Variants in ASTL observed in about 807,000 individuals in gnomAD.
ASTL encodes astacin-like metalloendopeptidase.
ASTL carries 27 observed loss-of-function variants against 36.7 expected under a neutral mutation model. The observed-to-expected ratio is 0.73, with a 90% CI of 0.54 to 1.01. The LOEUF (loss-of-function observed/expected upper bound fraction) is 1.01, where lower values mean the gene tolerates loss of function less well. ASTL is among the 50% of genes least tolerant of loss of function. ASTL has a pLI of 0.00. For missense variants in ASTL, 524 were observed against 572.8 expected (o/e 0.91, Z 0.87); for synonymous variants, 222 against 228.1 (o/e 0.97, Z 0.24).
At chr2:96,131,206 TTC>T (rs1351303604) in intron 6 of ASTL, among the ~76,000 whole-genome samples, 1 of 152,254 alleles carries the variant, frequency 6.6e-6, no homozygotes, top group African/African-American at 2.4e-5. Flanking sequence ...GCTCAATTTG[TTC>T]TGTTTACTGA....
chr2:96,134,180 G>A lies in ASTL; in HGVS notation c.244-122C>T. ...TGTGGGAGTCAGGACCTGTGTGCATGGGAATGGGGGACCATTAGAGATGGG... is the reference window on the plus strand; with the variant it reads ...TGTGGGAGTCAGGACCTGTGTGCATAGGAATGGGGGACCATTAGAGATGGG... On this transcript the variant is annotated intron_variant, in intron 3 of 8. Coordinates refer to ENST00000342380, the MANE Select transcript of ASTL (RefSeq NM_001002036.4). 3 of 695,410 alleles carry A rather than the reference G, an allele frequency of 4.3e-6. No homozygotes were observed. The South Asian group carries it at 4.6e-5, about 11-fold the overall frequency. The allele number at this position is 695,410 out of a possible 1,614,324, so 43.1% of individuals were successfully genotyped here. A position where few individuals can be genotyped will look rare whatever the true frequency, so the allele number is the denominator to read the frequency against.
chr2:96,123,965 T>A lies in ASTL; in HGVS notation c.1181A>T (p.Lys394Met). 2.5e-6 allele frequency: 4 copies of A among 1,613,986 alleles called. No homozygotes were observed. The South Asian group carries it at 4.4e-5, about 18-fold the overall frequency. ...EQSWLAGVST[K>M]PTVPSSEAGI... ...TGCTTCTGAAGATGGGACTGTGGGC[T>A]TGGTGGACACTCCGGCCAGCCAGGA... The change falls in exon 9 of 9, where the codon AAG becomes ATG. Residue 394 changes from lysine (K) to methionine (M), a missense_variant. By Grantham distance (95) the Lys-to-Met change is moderately conservative. Coordinates refer to ENST00000342380, the MANE Select transcript of ASTL (RefSeq NM_001002036.4).
At chr2:96,125,111 C>G (rs1558713146) in intron 8 of ASTL, among the ~76,000 whole-genome samples, 1 of 152,180 alleles carries the variant, frequency 6.6e-6, no homozygotes, top group African/African-American at 2.4e-5. Flanking sequence ...CATCCTACAC[C>G]AGCCCTCCCC....
rs775529258 is a variant in ASTL, at chr2:96,135,352, G to A, written c.242C>T (p.Pro81Leu). Residue 81 changes from proline (P) to leucine (L), a missense_variant and splice_region_variant, in exon 3 of 9, where the codon CCG (proline) becomes CTG (leucine). Transcript: ENST00000342380. Reference sequence around the variant, plus strand: ...ACACACGTCAGTGTGTGCACTCACCGGCCGGATGATGTCCCCCTCGATGAG... The same window carrying A: ...ACACACGTCAGTGTGTGCACTCACCAGCCGGATGATGTCCCCCTCGATGAG... ...SFLIEGDIIR[P>L]SPFRLLSATS... 3.4e-5 allele frequency: 55 copies of A among 1,613,894 alleles called. No homozygotes were observed. The Middle Eastern group carries it at 9.9e-4, about 29-fold the overall frequency.
In ASTL at chr2:96,124,196, G is replaced by A. The variant is rs371728783; in HGVS notation, c.950C>T (p.Ser317Leu). The A allele has an allele frequency of 1.1e-4, 164 of 1,526,546 alleles. No individual in the cohort carries two copies. Among genetic ancestry groups the A allele is most frequent in the Admixed American group, 1.7e-4 (8 of 46,190 alleles). The allele number at this position is 1,526,546 out of a possible 1,614,324, so 94.6% of individuals were successfully genotyped here. A position where few individuals can be genotyped will look rare whatever the true frequency, so the allele number is the denominator to read the frequency against. ...GGGGTCGGGGCTCCTGGATTCCGCC[G>A]ACAGTGCCTCCAAAAGCCGCTGCAG... ...LSLQRLLEAL[S>L]AESRSPDPSG... Residue 317 changes from serine to leucine, a missense_variant, in exon 9 of 9, where the codon TCG becomes TTG. Coordinates refer to ENST00000342380, the MANE Select transcript of ASTL (RefSeq NM_001002036.4). This position sits in a 1 kb window ranked among gnomAD's most constrained non-coding sequence, Gnocchi z 4.1.
rs751116126 is a variant in ASTL, at chr2:96,124,214, C to T, written c.932G>A (p.Arg311Gln). ...TTCCGCCGACAGTGCCTCCAAAAGCCGCTGCAGAGATAGGGAGGCCGGAGC... is the reference window on the plus strand; with the variant it reads ...TTCCGCCGACAGTGCCTCCAAAAGCTGCTGCAGAGATAGGGAGGCCGGAGC... Reference protein sequence around the residue: ...SPAPASLSLQRLLEALSAESR... With the variant: ...SPAPASLSLQQLLEALSAESR... Residue 311 changes from arginine (R) to glutamine (Q), a missense_variant, in exon 9 of 9, where the codon CGG (arginine) becomes CAG (glutamine). By Grantham distance (43) the Arg-to-Gln change is conservative (BLOSUM62 1). Transcript: ENST00000342380. The surrounding 1 kb of genome is among the most constrained non-coding windows in gnomAD (Gnocchi z 4.1). 1.2e-5 allele frequency: 19 copies of T among 1,521,918 alleles called. No homozygotes were observed. In the Middle Eastern group the frequency reaches 1.8e-3, roughly 145 times the overall value. 94.3% of individuals were successfully genotyped at this position (1,521,918 alleles called of 1,614,324 possible). A position where few individuals can be genotyped will look rare whatever the true frequency, so the allele number is the denominator to read the frequency against.
chr2:96,133,897 G>A (rs1465431988), intron 4 of ASTL, 68 bp downstream of exon 4: 2 of 1,060,448 alleles, frequency 1.9e-6, no homozygotes, highest in Non-Finnish European at 2.9e-6. Context: ...GAAAAGGGAA[G>A]AGAGGAACAC....
intron 2 of ASTL, among the ~76,000 whole-genome samples, chr2:96,135,752 C>T (rs553378138): frequency 6.6e-6 from 1 of 152,126 alleles, no homozygotes; most frequent in Non-Finnish European, 1.5e-5. Context: ...ACTGAGCCTG[C>T]GTGGCCTCAG....
rs936606588 is a variant in ASTL at position 96,124,736 on chromosome 2, T to C, written c.875-465A>G. Among the ~76,000 whole-genome samples the C allele has an allele frequency of 4.6e-5, 7 of 152,172 alleles. No homozygotes were observed. The highest frequency in any genetic ancestry group is 1.7e-4 in the African/African-American group (7 of 41,426). On this transcript the variant is annotated intron_variant, in intron 8 of 8. Coordinates refer to ENST00000342380, the MANE Select transcript of ASTL (RefSeq NM_001002036.4). This position sits in a 1 kb window ranked among gnomAD's most constrained non-coding sequence, Gnocchi z 4.1. ...GGGGCTTCCTTGTTCTTCACTGTCA[T>C]GCCAGACTACAACTGTACCCCACCT...
rs773320396 is a variant in ASTL at position 96,123,991 on chromosome 2, C to CT, written c.1154dup (p.Ser386ValfsTer37). ...TGGTGGACACTCCGGCCAGCCAGGA[C>CT]TGCTCCTGAGCAACACCGGGGGCAC... On this transcript the variant is annotated frameshift_variant, in exon 9 of 9. Transcript: ENST00000342380. LOFTEE classifies it low-confidence loss of function (END_TRUNC). 10 of 1,613,936 alleles carry CT rather than the reference C, an allele frequency of 6.2e-6. No homozygotes were observed. The Admixed American group carries it at 1.7e-4, about 27-fold the overall frequency.
intron 2 of ASTL, 146 bp downstream of exon 2, chr2:96,137,429 A>C (rs775550594): frequency 2.8e-5 from 26 of 916,968 alleles, no homozygotes; most frequent in Non-Finnish European, 4.2e-5. Context: ...ATATAGCAAC[A>C]CCACTCCATC....
chr2:96,132,707 A>G lies in ASTL; in HGVS notation c.470T>C (p.Val157Ala), dbSNP rs1682208734. 6.2e-7 allele frequency: 1 copy of G among 1,611,094 alleles called. No individual in the cohort carries two copies. The highest frequency in any genetic ancestry group is 8.5e-7 in the Non-Finnish European group (1 of 1,177,964). The change falls in exon 6 of 9, where the codon GTG becomes GCG. Residue 157 changes from valine to alanine, a missense_variant. By Grantham distance (64) the Val-to-Ala change is moderately conservative. Transcript: ENST00000342380. This position sits in a 1 kb window ranked among gnomAD's most constrained non-coding sequence, Gnocchi z 5.4. ...CACCTGCATCCCTCCACTGCGCCCC[A>G]CACTCGAGAAGCACCTGCAGGGTGA... ...IIPMYGCFSS[V>A]GRSGGMQVVS...
At chr2:96,133,230 G>C (rs1347969150) in intron 5 of ASTL, among the ~76,000 whole-genome samples, 195 bp downstream of exon 5, 1 of 152,180 alleles carries the variant, frequency 6.6e-6, no homozygotes, top group Non-Finnish European at 1.5e-5. Flanking sequence ...GTAAATGGAG[G>C]GTCTAGCACC....
rs1025489210 is a variant in ASTL, at chr2:96,123,676, G to A, written c.*174C>T. ...GAGCTAGAAGAACCCCTGGCCCTAG[G>A]AGCCCTTAGGGGAACACAGTGAAGA... On this transcript the variant is annotated 3_prime_UTR_variant, in exon 9 of 9. Coordinates refer to ENST00000342380, the MANE Select transcript of ASTL (RefSeq NM_001002036.4). Among the ~76,000 whole-genome samples, 1 of 152,164 alleles carries A rather than the reference G, an allele frequency of 6.6e-6. No individual in the cohort carries two copies. The highest frequency in any genetic ancestry group is 1.5e-5 in the Non-Finnish European group (1 of 68,032).
At position 96,123,257 on chromosome 2, in the gene ASTL, G is replaced by C. The variant is rs567823879; in HGVS notation, c.*593C>G. Among the ~76,000 whole-genome samples the C allele has an allele frequency of 2.0e-5, 3 of 152,188 alleles. No homozygotes were observed. The highest frequency in any genetic ancestry group is 2.9e-5 in the Non-Finnish European group (2 of 68,012). On this transcript the variant is annotated 3_prime_UTR_variant, in exon 9 of 9. Coordinates refer to ENST00000342380, the MANE Select transcript of ASTL (RefSeq NM_001002036.4). ...TCTGGTGGGGCCCCACTTCTTTCTC[G>C]TCTCCCCAATGGTGGCCACACTTGA...
At chr2:96,135,509 T>C in intron 2 of ASTL, 97 bp from the exon 3 acceptor site, 1 of 1,060,368 alleles carries the variant, frequency 9.4e-7, no homozygotes, top group South Asian at 1.4e-5. Flanking sequence ...TCTATTCTTG[T>C]GTCTTTCCTA....
chr2:96,123,726 T>C lies in ASTL; in HGVS notation c.*124A>G. On this transcript the variant is annotated 3_prime_UTR_variant, in exon 9 of 9. Coordinates refer to ENST00000342380, the MANE Select transcript of ASTL (RefSeq NM_001002036.4). ...AGAGACAGGGGAAGAGTCCTGGCCC[T>C]CTGAGATGGGGTGGTAGGTTGGGGC... The C allele has an allele frequency of 1.3e-6, 1 of 745,956 alleles. No homozygotes were observed. The highest frequency in any genetic ancestry group is 2.2e-6 in the Non-Finnish European group (1 of 453,870). 46.2% of individuals were successfully genotyped at this position (745,956 alleles called of 1,614,324 possible).
intron 2 of ASTL, among the ~76,000 whole-genome samples, chr2:96,136,306 C>G (rs1682298059): frequency 6.6e-6 from 1 of 152,254 alleles, no homozygotes; most frequent in African/African-American, 2.4e-5. Context: ...AGGGAGTAGC[C>G]CCCGGGCATC....
intron 8 of ASTL, among the ~76,000 whole-genome samples, chr2:96,127,527 T>C (rs933212297): frequency 2.6e-5 from 4 of 152,186 alleles, no homozygotes; most frequent in African/African-American, 9.7e-5. Flanking sequence ...TTTAGTGTGT[T>C]TCCCATTTGG....
Sources: gnomAD v4.1 joint callset for allele counts (sites outside exome capture counted in the v4.1 genomes callset) on GRCh38, gnomAD v4.1.1 for gene constraint, Gnocchi (gnomAD v3.1) non-coding constraint, MANE v1.5 for transcripts, NCBI Gene and HGNC (gene_info 2026-07-23, HGNC 2026-07-21) for gene names.